The following PKNOX2 variants were observed in gnomAD, a reference collection of about 807,000 sequenced individuals.
The protein encoded by PKNOX2 is PBX/knotted 1 homeobox 2, also known as homeobox protein PKNOX2.
PKNOX2 carries 14 observed loss-of-function variants against 53.1 expected under a neutral mutation model. The ratio of observed to expected loss-of-function variants is 0.26; its 90% confidence interval spans 0.17 to 0.41. The LOEUF is 0.41. PKNOX2 is among the 10% of genes least tolerant of loss of function. The pLI, the probability that PKNOX2 is intolerant of heterozygous loss-of-function variation, is 1.00. For synonymous variants in PKNOX2, 257 were observed against 242.8 expected (o/e 1.06, Z -0.54); for missense variants, 496 against 602.8 (o/e 0.82, Z 1.85).
intron 2 of PKNOX2, among the ~76,000 whole-genome samples, chr11:125,239,030 A>G (rs1030501203): frequency 1.3e-5 from 2 of 152,176 alleles, no homozygotes; most frequent in South Asian, 2.1e-4. Context: ...ACCTAGAGCC[A>G]TTCTTGGCAC....
At chr11:125,316,764 C>T (rs368548804) in intron 2 of PKNOX2, among the ~76,000 whole-genome samples, 1 of 152,290 alleles carries the variant, frequency 6.6e-6, no homozygotes, top group South Asian at 2.1e-4. Context: ...AGGGTTTTGC[C>T]TCAGTGTTGA....
In PKNOX2 at chr11:125,241,650, T is replaced by A. The variant is rs142721059; in HGVS notation, c.-130+6535T>A. 8.5e-3 allele frequency among the ~76,000 whole-genome samples: 1,288 copies of A among 151,968 alleles called. 10 individuals carry two copies. The highest frequency in any genetic ancestry group is 0.011 in the Non-Finnish European group (744 of 67,934). ...GGTGGGCAGATCACGAGGTCAGGAGTTCGAGACCAGACTGACCAACATGGT... is the reference window on the plus strand; with the variant it reads ...GGTGGGCAGATCACGAGGTCAGGAGATCGAGACCAGACTGACCAACATGGT... On this transcript the variant is annotated intron_variant, in intron 2 of 12. Transcript: ENST00000298282.
At chr11:125,247,577 C>A (rs151128045) in intron 2 of PKNOX2, among the ~76,000 whole-genome samples, 54 of 152,302 alleles carry the variant, frequency 3.5e-4, no homozygotes, top group African/African-American at 1.2e-3. Context: ...CTCTCGTTAG[C>A]CTTTTGCACT....
intron 2 of PKNOX2, among the ~76,000 whole-genome samples, chr11:125,295,334 G>A (rs1947582214): frequency 6.6e-6 from 1 of 152,368 alleles, no homozygotes; most frequent in South Asian, 2.1e-4. Context: ...TGAGATCAAA[G>A]TCCTTGGGAG....
chr11:125,366,312 A>T (rs1356089010), intron 4 of PKNOX2, among the ~76,000 whole-genome samples: 5 of 152,212 alleles, frequency 3.3e-5, no homozygotes, highest in Non-Finnish European at 7.3e-5. Flanking sequence ...GCTCCCCCAG[A>T]TCAGCCAACA....
intron 10 of PKNOX2, among the ~76,000 whole-genome samples, chr11:125,421,110 G>A (rs1956145226): frequency 6.6e-6 from 1 of 152,184 alleles, no homozygotes; most frequent in South Asian, 2.1e-4. Context: ...TTTCAGGTAT[G>A]AGATGTGATT....
At chr11:125,282,784 G>T (rs540037794) in intron 2 of PKNOX2, among the ~76,000 whole-genome samples, 1 of 152,212 alleles carries the variant, frequency 6.6e-6, no homozygotes, top group Non-Finnish European at 1.5e-5. Context: ...TGGCCAATTT[G>T]GTAGTCACTA....
chr11:125,190,071 G>C (rs1053736448), intron 1 of PKNOX2: 11 of 152,160 alleles, frequency 7.2e-5, no homozygotes, highest in African/African-American at 2.4e-4. Context: ...GACTACAGGT[G>C]CATGCCACCA....
At chr11:125,428,960 G>A (rs1956563629) in intron 10 of PKNOX2, 52 bp from the exon 11 acceptor site, 1 of 1,547,264 alleles carries the variant, frequency 6.5e-7, no homozygotes, top group African/African-American at 1.4e-5. Flanking sequence ...TCCCTTGGGG[G>A]GGCCAGATCA....
chr11:125,417,655 C>T (rs1177467278), intron 10 of PKNOX2, among the ~76,000 whole-genome samples: 1 of 152,062 alleles, frequency 6.6e-6, no homozygotes, highest in Non-Finnish European at 1.5e-5. Context: ...CCACAGACAT[C>T]TCTTGGCTCC....
chr11:125,216,585 G>A (rs942390145), intron 1 of PKNOX2, among the ~76,000 whole-genome samples: 7 of 152,180 alleles, frequency 4.6e-5, no homozygotes, highest in African/African-American at 1.4e-4. Context: ...GAGAAGGGGT[G>A]TGTGTTTTCC....
chr11:125,418,426 T>G (rs1956003486), intron 10 of PKNOX2, among the ~76,000 whole-genome samples: 1 of 152,108 alleles, frequency 6.6e-6, no homozygotes, highest in South Asian at 2.1e-4. Flanking sequence ...TGCATGATTC[T>G]GTGCCTGTTG....
intron 2 of PKNOX2, among the ~76,000 whole-genome samples, chr11:125,294,624 C>T (rs954126895): frequency 3.9e-4 from 60 of 152,128 alleles, no homozygotes; most frequent in African/African-American, 1.4e-3. Flanking sequence ...CACAGGGACA[C>T]TGTGGTGAGA....
At chr11:125,334,008 C>T (rs1950293291) in intron 3 of PKNOX2, among the ~76,000 whole-genome samples, 1 of 152,172 alleles carries the variant, frequency 6.6e-6, no homozygotes, top group African/African-American at 2.4e-5. Context: ...CCCCCAGAGT[C>T]AGGGCTCAGT....
intron 1 of PKNOX2, among the ~76,000 whole-genome samples, chr11:125,211,943 T>C (rs1340231116): frequency 6.6e-6 from 1 of 152,144 alleles, no homozygotes; most frequent in African/African-American, 2.4e-5. Context: ...TTTGGTTTCC[T>C]ATATGGCTCT....
At chr11:125,341,453 T>G (rs560192263) in intron 3 of PKNOX2, among the ~76,000 whole-genome samples, 8 of 152,238 alleles carry the variant, frequency 5.3e-5, no homozygotes, top group African/African-American at 1.7e-4. Context: ...GAGGTAGACT[T>G]TGTGCAGTCA....
chr11:125,358,812 C>T (rs778281800), intron 4 of PKNOX2, among the ~76,000 whole-genome samples: 1 of 152,234 alleles, frequency 6.6e-6, no homozygotes, highest in Non-Finnish European at 1.5e-5. Flanking sequence ...GTCATTGCCT[C>T]CTTCTGGTCA....
chr11:125,386,581 CTG>C, intron 6 of PKNOX2, among the ~76,000 whole-genome samples: 1 of 152,248 alleles, frequency 6.6e-6, no homozygotes, highest in East Asian at 1.9e-4. Context: ...TTTAGAAACT[CTG>C]TAAAAATTCT....
At chr11:125,209,648 C>T (rs1435235804) in intron 1 of PKNOX2, among the ~76,000 whole-genome samples, 1 of 151,970 alleles carries the variant, frequency 6.6e-6, no homozygotes, top group Non-Finnish European at 1.5e-5. Context: ...AAGCAACATG[C>T]TAACACACAG....
Sources: allele counts gnomAD v4.1 joint callset (sites outside exome capture counted in the v4.1 genomes callset), GRCh38; gene constraint gnomAD v4.1.1; transcripts MANE v1.5; gene names NCBI Gene and HGNC (gene_info 2026-07-23, HGNC 2026-07-21).